BNC2: variants seen among roughly 807,000 people sequenced by gnomAD.
BNC2 encodes the protein basonuclin zinc finger protein 2.
Under a neutral mutation model 76.3 loss-of-function variants are expected in BNC2, and 20 were observed. The ratio of observed to expected loss-of-function variants is 0.26; its 90% CI spans 0.18 to 0.38. BNC2 has a LOEUF of 0.38. Among genes scored for constraint, BNC2 ranks in the 10% least tolerant of loss-of-function variants. The pLI, the probability that BNC2 is intolerant of heterozygous loss-of-function variation, is 1.00. For missense variants in BNC2, 1,382 were observed against 1,399.8 expected (o/e 0.99, Z 0.20); for synonymous variants, 582 against 514.8 (o/e 1.13, Z -1.77).
At chr9:16,491,320 G>T (rs938258276) in intron 5 of BNC2, among the ~76,000 whole-genome samples, 11 of 152,160 alleles carry the variant, frequency 7.2e-5, no homozygotes, top group Non-Finnish European at 1.5e-4. Context: ...TCCTTCCACT[G>T]CAGTGATATA....
At chr9:16,864,898 C>T (rs981231332) in intron 1 of BNC2, among the ~76,000 whole-genome samples, 2 of 151,814 alleles carry the variant, frequency 1.3e-5, no homozygotes, top group African/African-American at 4.8e-5. Flanking sequence ...AAAGAAGGAG[C>T]TTGGTAATCC....
chr9:16,486,617 T>C (rs528371514), intron 5 of BNC2, among the ~76,000 whole-genome samples: 4 of 152,358 alleles, frequency 2.6e-5, no homozygotes, highest in African/African-American at 9.6e-5. Flanking sequence ...AATGACACAT[T>C]AGGCTCTCAA....
chr9:16,593,802 G>A (rs1254613964), intron 3 of BNC2, among the ~76,000 whole-genome samples: 1 of 151,742 alleles, frequency 6.6e-6, no homozygotes, highest in East Asian at 1.9e-4. Flanking sequence ...TTGAAAATAA[G>A]GGGTTAGCTC....
At position 16,491,758 on chromosome 9, in the gene BNC2, T is replaced by C. The variant is rs900317886; in HGVS notation, c.670-54234A>G. On this transcript the variant is annotated intron_variant, in intron 5 of 6. Transcript: ENST00000380672. The stretch of plus-strand genomic sequence containing the variant: ...TACCAGTCTCTAAGGGTTATTTCAC[T>C]GCAGTTTAGTTTCATCTCTTTTTAA... Among the ~76,000 whole-genome samples, 3 of 152,216 alleles carry C rather than the reference T, an allele frequency of 2.0e-5. No homozygotes were observed. In the East Asian group the frequency reaches 5.8e-4, roughly 29 times the overall value.
intron 1 of BNC2, among the ~76,000 whole-genome samples, chr9:16,755,002 A>G (rs1200743868): frequency 6.6e-6 from 1 of 152,210 alleles, no homozygotes; most frequent in African/African-American, 2.4e-5. Flanking sequence ...CAATCCACAC[A>G]AAGCCATTCT....
chr9:16,423,193 T>A (rs1029665674), intron 6 of BNC2, among the ~76,000 whole-genome samples: 1 of 152,218 alleles, frequency 6.6e-6, no homozygotes, highest in Non-Finnish European at 1.5e-5. Context: ...GAAACAGATT[T>A]AGTGTTCTGA....
At chr9:16,763,531 C>G (rs1228420328) in intron 1 of BNC2, among the ~76,000 whole-genome samples, 3 of 151,980 alleles carry the variant, frequency 2.0e-5, no homozygotes, top group South Asian at 2.1e-4. Flanking sequence ...GTTCACACCA[C>G]TGCACTCCAG....
intron 1 of BNC2, among the ~76,000 whole-genome samples, chr9:16,847,401 C>CGGGGGGGGGGGGGG (rs869051853): frequency 9.7e-5 from 1 of 10,352 alleles, no homozygotes; most frequent in Non-Finnish European, 2.8e-4. Flanking sequence ...TTTCTCGGGG[C>CGGGGGGGGGGGGGG]GGGGGGGGGG....
chr9:16,453,458 G>A (rs1224392878), intron 5 of BNC2, among the ~76,000 whole-genome samples: 1 of 152,096 alleles, frequency 6.6e-6, no homozygotes, highest in East Asian at 1.9e-4. Context: ...AGTTAAGAGA[G>A]TTTCATATAC....
intron 1 of BNC2, among the ~76,000 whole-genome samples, chr9:16,739,936 C>T (rs1170941023): frequency 1.3e-5 from 2 of 152,126 alleles, no homozygotes; most frequent in Non-Finnish European, 2.9e-5. Context: ...TGCAGATAAC[C>T]AGGCAACTGG....
rs986395719 is a variant in BNC2, at chr9:16,419,012, T to A, written c.3277A>T (p.Ile1093Phe). Residue 1093 changes from isoleucine to phenylalanine, a missense_variant, in exon 7 of 7, where the codon ATT (isoleucine) becomes TTT (phenylalanine). Ile to Phe is a conservative substitution (Grantham distance 21). Coordinates refer to ENST00000380672, the MANE Select transcript of BNC2 (RefSeq NM_017637.6). Reference sequence around the variant, plus strand: ...GACTAATCTACTGAAGTGAAGGGAATGTTTTTGTGGAGATTAGGGTTCTGA... The same window carrying A: ...GACTAATCTACTGAAGTGAAGGGAAAGTTTTTGTGGAGATTAGGGTTCTGA... ...HSQNPNLHKN[I>F]PFTSVD 6.2e-7 allele frequency: 1 copy of A among 1,614,148 alleles called. No individual in the cohort carries two copies.
In BNC2 at chr9:16,417,267, G is replaced by A. The variant is rs1820604510; in HGVS notation, c.*1722C>T. On this transcript the variant is annotated 3_prime_UTR_variant, in exon 7 of 7. Coordinates refer to ENST00000380672, the MANE Select transcript of BNC2 (RefSeq NM_017637.6). ...TCAGTATGTTGTGGTAGCTGAGGCT[G>A]CCGATGTGGTTAACCAGCTCAGGCA... 1 of 152,634 alleles carries A rather than the reference G, an allele frequency of 6.6e-6. No homozygotes were observed. Among genetic ancestry groups the A allele is most frequent in the African/African-American group, 2.4e-5 (1 of 41,462 alleles). 9.5% of individuals were successfully genotyped at this position (152,634 alleles called of 1,614,324 possible). A position where few individuals can be genotyped will look rare whatever the true frequency, so the allele number is the denominator to read the frequency against.
At chr9:16,608,369 A>G (rs1190084539) in intron 3 of BNC2, among the ~76,000 whole-genome samples, 1 of 152,136 alleles carries the variant, frequency 6.6e-6, no homozygotes, top group East Asian at 1.9e-4. Flanking sequence ...CTGTCTCTGT[A>G]CAGGGGAGCT....
chr9:16,681,834 C>A (rs1178808265), intron 3 of BNC2, among the ~76,000 whole-genome samples: 1 of 152,092 alleles, frequency 6.6e-6, no homozygotes, highest in Non-Finnish European at 1.5e-5. Flanking sequence ...GGAATCCTTG[C>A]GGTTTAGTCA....
intron 6 of BNC2, among the ~76,000 whole-genome samples, chr9:16,430,639 T>G (rs1820891083): frequency 1.3e-5 from 2 of 152,214 alleles, no homozygotes; most frequent in African/African-American, 4.8e-5. Flanking sequence ...GTAGCTCATG[T>G]TAATTTATTC....
At chr9:16,844,689 G>C (rs933315258) in intron 1 of BNC2, among the ~76,000 whole-genome samples, 1 of 151,946 alleles carries the variant, frequency 6.6e-6, no homozygotes, top group African/African-American at 2.4e-5. Context: ...AGTAGAGACG[G>C]GTTTTCACCA....
At chr9:16,686,325 C>A (rs4961732) in intron 3 of BNC2, among the ~76,000 whole-genome samples, 1 of 151,480 alleles carries the variant, frequency 6.6e-6, no homozygotes, top group Non-Finnish European at 1.5e-5. Context: ...CTTTTTAAAA[C>A]TAAGCTATTA....
At chr9:16,767,059 T>C (rs1191395196) in intron 1 of BNC2, among the ~76,000 whole-genome samples, 1 of 152,238 alleles carries the variant, frequency 6.6e-6, no homozygotes. Flanking sequence ...TGGCATAGTC[T>C]ACCTAAGCAT....
chr9:16,490,219 G>C (rs1419510032), intron 5 of BNC2, among the ~76,000 whole-genome samples: 1 of 152,068 alleles, frequency 6.6e-6, no homozygotes, highest in Non-Finnish European at 1.5e-5. Flanking sequence ...CACATGGCTG[G>C]GGAGGCCTCA....
Sources: allele counts gnomAD v4.1 joint callset (sites outside exome capture counted in the v4.1 genomes callset), GRCh38; gene constraint gnomAD v4.1.1; transcripts MANE v1.5; gene names NCBI Gene and HGNC (gene_info 2026-07-23, HGNC 2026-07-21).